EHMT1: variants seen among roughly 807,000 people sequenced by gnomAD.
EHMT1 encodes the protein histone-lysine N-methyltransferase EHMT1.
A neutral mutation model predicts 147.2 loss-of-function variants in EHMT1; 15 were observed. That is an observed-to-expected ratio of 0.10 (90% CI 0.07 to 0.16). The LOEUF (loss-of-function observed/expected upper bound fraction) is 0.16, where lower values mean the gene tolerates loss of function less well. Ranked by LOEUF, EHMT1 falls within the 10% of genes least tolerant of loss-of-function variation. The pLI is 1.00. For missense variants in EHMT1, 1,587 were observed against 1,772.4 expected (o/e 0.90, Z 1.88); for synonymous variants, 795 against 709.6 (o/e 1.12, Z -1.91).
At chr9:137,718,754 C>CTTTTTTTT (rs1163532857) in intron 3 of EHMT1, among the ~76,000 whole-genome samples, 2 of 146,338 alleles carry the variant, frequency 1.4e-5, no homozygotes, top group African/African-American at 5.3e-5. Context: ...TTTTCTTTTT[C>CTTTTTTTT]TTTTTCTTTT....
intron 7 of EHMT1, 97 bp from the exon 8 acceptor site, chr9:137,754,074 C>T (rs930611761): frequency 1.1e-4 from 168 of 1,579,234 alleles, no homozygotes; most frequent in Middle Eastern, 1.7e-4. Context: ...CAAGACATAG[C>T]CAGTGTTCTG....
Position 137,776,162 on chromosome 9 carries a change from C to G in EHMT1, c.1792-456C>G, listed in dbSNP as rs865992932. 6.6e-6 allele frequency among the ~76,000 whole-genome samples: 1 copy of G among 152,200 alleles called. No individual in the cohort carries two copies. The highest frequency in any genetic ancestry group is 2.4e-5 in the African/African-American group (1 of 41,440). On this transcript the variant is annotated intron_variant, in intron 11 of 26. Coordinates refer to ENST00000460843, the MANE Select transcript of EHMT1 (RefSeq NM_024757.5). This position sits in a 1 kb window ranked among gnomAD's most constrained non-coding sequence, Gnocchi z 4.4. Reference sequence around the variant, plus strand: ...TTTCTGCAAGAAAATGCTGTTCTTACGGCTGTGTGCCCCTCCTCGAGGCTC... The same window carrying G: ...TTTCTGCAAGAAAATGCTGTTCTTAGGGCTGTGTGCCCCTCCTCGAGGCTC...
chr9:137,669,736 A>T (rs1479548078), intron 1 of EHMT1, among the ~76,000 whole-genome samples: 1 of 152,038 alleles, frequency 6.6e-6, no homozygotes, highest in Non-Finnish European at 1.5e-5. Flanking sequence ...TTTTTTTAAA[A>T]AAAAATTAAT....
At chr9:137,805,137 C>T (rs6559230) in intron 18 of EHMT1, among the ~76,000 whole-genome samples, 7 of 149,820 alleles carry the variant, frequency 4.7e-5, no homozygotes, top group African/African-American at 7.5e-5. Context: ...GTCTCTCATC[C>T]GCATGTGTGA....
intron 6 of EHMT1, chr9:137,747,347 A>G (rs9410135): frequency 0.14 from 21,621 of 152,114 alleles, 3,481 homozygotes; most frequent in African/African-American, 0.4. Flanking sequence ...TAGTAGAGAC[A>G]ACGTTTCACC....
In EHMT1 at chr9:137,626,058, G is replaced by C. The variant is rs746275277; in HGVS notation, c.21+7009G>C. Among the ~76,000 whole-genome samples, 73 of 149,342 alleles carry C rather than the reference G, an allele frequency of 4.9e-4. 1 individual carries two copies. The highest frequency in any genetic ancestry group is 3.0e-3 in the South Asian group (14 of 4,728). On this transcript the variant is annotated intron_variant, in intron 1 of 26. Coordinates refer to ENST00000460843, the MANE Select transcript of EHMT1 (RefSeq NM_024757.5). ...TTTTTTTTTTTTTTAGTAGAGTTGG[G>C]GTTTCTGCATGTTGGTCAGGCTGGT...
intron 4 of EHMT1, among the ~76,000 whole-genome samples, chr9:137,729,503 C>G (rs976659557): frequency 1.3e-5 from 2 of 151,846 alleles, no homozygotes; most frequent in Admixed American, 6.6e-5. Context: ...AGGAGAATGG[C>G]GTGAACCCGG....
chr9:137,667,642 C>G (rs1444961962), intron 1 of EHMT1: 1 of 152,140 alleles, frequency 6.6e-6, no homozygotes, highest in East Asian at 1.9e-4. Flanking sequence ...TTAGAGATTT[C>G]TGGCTTCTGC....
intron 1 of EHMT1, among the ~76,000 whole-genome samples, chr9:137,694,276 G>T (rs113856658): frequency 8.1e-6 from 1 of 123,052 alleles, no homozygotes; most frequent in Non-Finnish European, 1.7e-5. Context: ...CAGGACGCTG[G>T]CCGATACCCC....
chr9:137,679,548 T>A (rs192661405), intron 1 of EHMT1, among the ~76,000 whole-genome samples: 9 of 152,320 alleles, frequency 5.9e-5, no homozygotes, highest in Non-Finnish European at 5.9e-5. Context: ...CTCCTCTTCT[T>A]ACTAATTCCT....
At position 137,834,988 on chromosome 9, in the gene EHMT1, G is replaced by A. The variant is rs1050770162; in HGVS notation, c.*35G>A. ...GGCCAGCGGGGCGCTCGGGAGCCAG[G>A]GACCGCCGCGTCGCCGATTAGAGGA... On this transcript the variant is annotated 3_prime_UTR_variant, in exon 27 of 27. Coordinates refer to ENST00000460843, the MANE Select transcript of EHMT1 (RefSeq NM_024757.5). 1.5e-6 allele frequency: 2 copies of A among 1,375,286 alleles called. No individual in the cohort carries two copies. Among genetic ancestry groups the A allele is most frequent in the South Asian group, 1.7e-5 (1 of 60,228 alleles). 85.2% of individuals were successfully genotyped at this position (1,375,286 alleles called of 1,614,324 possible). A position where few individuals can be genotyped will look rare whatever the true frequency, so the allele number is the denominator to read the frequency against.
At chr9:137,644,348 G>A (rs1325516771) in intron 1 of EHMT1, among the ~76,000 whole-genome samples, 1 of 147,592 alleles carries the variant, frequency 6.8e-6, no homozygotes, top group African/African-American at 2.5e-5. Flanking sequence ...TTTTTGAGAT[G>A]GAGTCTCATT....
Position 137,716,948 on chromosome 9 carries a change from C to T in EHMT1, c.408C>T (p.Pro136=), listed in dbSNP as rs1331621806. 6.2e-7 allele frequency: 1 copy of T among 1,612,928 alleles called. No homozygotes were observed. Among genetic ancestry groups the T allele is most frequent in the East Asian group, 2.2e-5 (1 of 44,876 alleles). The change falls in exon 3 of 27, where the codon CCC becomes CCT. Residue 136 remains proline (P), a synonymous_variant. Coordinates refer to ENST00000460843, the MANE Select transcript of EHMT1 (RefSeq NM_024757.5). The part of the protein sequence containing the change: ...ILNKPALQAQ[P]LRTTSTLASS... ...ATAAGCCGGCCCTACAGGCACAGCC[C>T]TTGAGGACTACCAGCACTCTGGCCT...
intron 10 of EHMT1, chr9:137,764,323 C>T (rs913403188): frequency 6.6e-6 from 1 of 152,342 alleles, no homozygotes; most frequent in African/African-American, 2.4e-5. Flanking sequence ...AGCGGGCTCC[C>T]TATGTGACGG....
chr9:137,795,306 C>T (rs753978598), intron 16 of EHMT1: 5 of 151,970 alleles, frequency 3.3e-5, no homozygotes, highest in Non-Finnish European at 7.4e-5. Flanking sequence ...CCAGTTATTC[C>T]AGGTCAGGGT....
intron 1 of EHMT1, among the ~76,000 whole-genome samples, chr9:137,707,264 C>T (rs996698413): frequency 2.0e-5 from 3 of 152,230 alleles, no homozygotes; most frequent in Admixed American, 6.5e-5. Context: ...GGTGCTTCAG[C>T]ACCCTAGGAG....
chr9:137,692,272 T>G (rs1331949451), intron 1 of EHMT1, among the ~76,000 whole-genome samples: 1 of 150,182 alleles, frequency 6.7e-6, no homozygotes, highest in Non-Finnish European at 1.5e-5. Flanking sequence ...TCTTTCTTTT[T>G]TTTTTTTTTT....
chr9:137,818,362 C>A (rs970683506), intron 25 of EHMT1, among the ~76,000 whole-genome samples: 3 of 152,210 alleles, frequency 2.0e-5, no homozygotes, highest in Admixed American at 6.5e-5. Context: ...GCCTGTGCAG[C>A]CAACTGCCCC....
intron 4 of EHMT1, among the ~76,000 whole-genome samples, chr9:137,734,800 T>A (rs1168462325): frequency 6.6e-6 from 1 of 152,164 alleles, no homozygotes; most frequent in African/African-American, 2.4e-5. Context: ...ACCGGTATAT[T>A]AAGAGTGATA....
Sources: allele counts gnomAD v4.1 joint callset (sites outside exome capture counted in the v4.1 genomes callset), GRCh38; gene constraint gnomAD v4.1.1; non-coding constraint Gnocchi (gnomAD v3.1); transcripts MANE v1.5; gene names NCBI Gene and HGNC (gene_info 2026-07-23, HGNC 2026-07-21).